MREG: variants seen among roughly 807,000 people sequenced by gnomAD.
MREG encodes melanoregulin, also known as dilute suppressor protein homolog.
In MREG, 31 loss-of-function variants were observed where a neutral mutation model predicts 28.5. The ratio of observed to expected loss-of-function variants is 1.09; its 90% CI spans 0.82 to 1.47. MREG has a LOEUF of 1.47. Ranked by LOEUF, MREG falls within the 40% of genes most tolerant of loss-of-function variation. The pLI, the probability that MREG is intolerant of heterozygous loss-of-function variation, is 0.00. For synonymous variants in MREG, 106 were observed against 95.2 expected (o/e 1.11, Z -0.66); for missense variants, 256 against 257.4 (o/e 0.99, Z 0.04).
intron 2 of MREG, among the ~76,000 whole-genome samples, chr2:215,986,122 G>A (rs919628306): frequency 6.6e-5 from 10 of 151,992 alleles, no homozygotes; most frequent in South Asian, 2.1e-4. Context: ...TGCTATAAAC[G>A]TCTTTACATA....
intron 1 of MREG, among the ~76,000 whole-genome samples, chr2:216,032,136 CTT>C (rs1374348480): frequency 4.6e-5 from 7 of 152,144 alleles, no homozygotes. Flanking sequence ...AGAAATGACT[CTT>C]TTTCTTCAAA....
chr2:215,945,644 A>C lies in MREG; in HGVS notation c.437T>G (p.Leu146Trp), dbSNP rs371062715. The C allele has an allele frequency of 1.2e-6, 2 of 1,613,878 alleles. No individual in the cohort carries two copies. Among genetic ancestry groups the C allele is most frequent in the African/African-American group, 2.7e-5 (2 of 74,940 alleles). ...SKNTRKAREM[L>W]LKLAEETNIF... ...ATTGGTTTCTTCAGCCAGTTTTAAC[A>C]ACATCTCTCGAGCTTTCCTTGTGTT... Residue 146 changes from leucine to tryptophan, a missense_variant, in exon 4 of 5, where the codon TTG (leucine) becomes TGG (tryptophan). Transcript: ENST00000263268.
At chr2:216,008,990 G>A (rs1481575107) in intron 1 of MREG, among the ~76,000 whole-genome samples, 1 of 152,144 alleles carries the variant, frequency 6.6e-6, no homozygotes, top group Non-Finnish European at 1.5e-5. Flanking sequence ...ATAGCCCTAT[G>A]AAGCACAGCT....
At chr2:216,007,040 A>G (rs1027083480) in intron 1 of MREG, among the ~76,000 whole-genome samples, 5 of 152,334 alleles carry the variant, frequency 3.3e-5, no homozygotes, top group African/African-American at 9.6e-5. Flanking sequence ...TTTCTATGGC[A>G]TTGAAATCTA....
intron 2 of MREG, among the ~76,000 whole-genome samples, chr2:215,995,511 C>CCCCCCCCCCCCCCCCCCCCG (rs146414052): frequency 7.3e-6 from 1 of 136,124 alleles, no homozygotes; most frequent in African/African-American, 3.2e-5. Context: ...CCCACCCCAC[C>CCCCCCCCCCCCCCCCCCCCG]CCCCGCCACC....
At chr2:216,027,475 C>G (rs1447424272) in intron 1 of MREG, among the ~76,000 whole-genome samples, 3 of 152,128 alleles carry the variant, frequency 2.0e-5, no homozygotes, top group Non-Finnish European at 4.4e-5. Context: ...GAAGATCATT[C>G]GAGGCCAGGA....
chr2:215,970,047 C>T (rs1693046528), intron 2 of MREG, among the ~76,000 whole-genome samples: 1 of 152,016 alleles, frequency 6.6e-6, no homozygotes, highest in African/African-American at 2.4e-5. Context: ...AAATTGACTC[C>T]CCGCAAAATT....
intron 2 of MREG, among the ~76,000 whole-genome samples, chr2:215,966,486 T>G (rs1191330373): frequency 6.6e-6 from 1 of 152,166 alleles, no homozygotes; most frequent in African/African-American, 2.4e-5. Context: ...CAAACAAACC[T>G]GGTCACACTG....
intron 1 of MREG, among the ~76,000 whole-genome samples, chr2:215,998,706 T>C (rs1420542977): frequency 6.6e-6 from 1 of 152,222 alleles, no homozygotes; most frequent in East Asian, 1.9e-4. Flanking sequence ...AGGAAAATGA[T>C]GCCTTTGGGC....
intron 1 of MREG, among the ~76,000 whole-genome samples, chr2:216,006,908 G>A (rs1413974426): frequency 2.0e-5 from 3 of 152,226 alleles, no homozygotes; most frequent in African/African-American, 7.2e-5. Flanking sequence ...AAAAGACCCA[G>A]TGTTTCTGGA....
chr2:215,949,072 C>CTAA lies in MREG; in HGVS notation c.256-1960_256-1959insTTA, dbSNP rs1255306179. On this transcript the variant is annotated intron_variant, in intron 2 of 4. Transcript: ENST00000263268. ...ACTACTACTACTACTACTACTACTA[C>CTAA]TACTACTACTACTACTAATAATAAT... Among the ~76,000 whole-genome samples the CTAA allele has an allele frequency of 4.1e-3, 469 of 115,514 alleles. 2 individuals carry two copies. Among genetic ancestry groups the CTAA allele is most frequent in the East Asian group, 0.018 (67 of 3,784 alleles). 75.8% of individuals were successfully genotyped at this position (115,514 alleles called of 152,430 possible).
downstream of MREG, among the ~76,000 whole-genome samples, chr2:215,942,135 A>C (rs908170793): frequency 1.3e-5 from 2 of 152,210 alleles, no homozygotes; most frequent in Non-Finnish European, 2.9e-5. Flanking sequence ...TGTTTGATCT[A>C]CTGGTTAGAG....
intron 1 of MREG, among the ~76,000 whole-genome samples, chr2:216,024,947 G>A (rs1694573199): frequency 7.5e-6 from 1 of 132,522 alleles, no homozygotes; most frequent in African/African-American, 3.2e-5. Flanking sequence ...GGAAGGGAAA[G>A]GAAGGGAAAG....
chr2:215,977,789 A>G (rs981450920), intron 2 of MREG, among the ~76,000 whole-genome samples: 1 of 152,250 alleles, frequency 6.6e-6, no homozygotes, highest in South Asian at 2.1e-4. Flanking sequence ...TCCTGGGTAA[A>G]TAATGAAATG....
chr2:215,946,454 A>G (rs1267219620), intron 3 of MREG, among the ~76,000 whole-genome samples: 1 of 2,774 alleles, frequency 3.6e-4, no homozygotes, highest in African/African-American at 5.2e-3. Flanking sequence ...ACATTGAAGC[A>G]GGATTATATA....
At chr2:215,981,703 C>T (rs1431309509) in intron 2 of MREG, among the ~76,000 whole-genome samples, 1 of 151,850 alleles carries the variant, frequency 6.6e-6, no homozygotes, top group Non-Finnish European at 1.5e-5. Flanking sequence ...TAGGGCAGTC[C>T]CAGTTTATAT....
Position 215,943,632 on chromosome 2 carries a change from G to C in MREG, c.*1231C>G, listed in dbSNP as rs1480551566. On this transcript the variant is annotated 3_prime_UTR_variant, in exon 5 of 5. Coordinates refer to ENST00000263268, the MANE Select transcript of MREG (RefSeq NM_018000.3). Reference sequence around the variant, plus strand: ...TGGGGCAGGCGGATGACGAGGTCAGGAGATCGAGACCATCGTGGCTAACAT... The same window carrying C: ...TGGGGCAGGCGGATGACGAGGTCAGCAGATCGAGACCATCGTGGCTAACAT... 2.6e-5 allele frequency: 10 copies of C among 383,808 alleles called. No homozygotes were observed. The highest frequency in any genetic ancestry group is 4.7e-5 in the Non-Finnish European group (9 of 193,410). The allele number at this position is 383,808 out of a possible 1,614,324, so 23.8% of individuals were successfully genotyped here.
intron 2 of MREG, among the ~76,000 whole-genome samples, chr2:215,964,808 G>A (rs1692891194): frequency 6.6e-6 from 1 of 152,106 alleles, no homozygotes; most frequent in African/African-American, 2.4e-5. Flanking sequence ...TTTAACCCAA[G>A]AATTCCAGTT....
chr2:215,975,719 G>T (rs1693238335), intron 2 of MREG, among the ~76,000 whole-genome samples: 1 of 152,138 alleles, frequency 6.6e-6, no homozygotes, highest in Non-Finnish European at 1.5e-5. Flanking sequence ...AAATGAATAA[G>T]CCTTCAGTTG....
Sources: gnomAD v4.1 joint callset for allele counts (sites outside exome capture counted in the v4.1 genomes callset) on GRCh38, gnomAD v4.1.1 for gene constraint, MANE v1.5 for transcripts, NCBI Gene and HGNC (gene_info 2026-07-23, HGNC 2026-07-21) for gene names.